Variants in PLD4 observed in about 807,000 individuals in gnomAD.
PLD4 encodes 5'-3' exonuclease PLD4.
A neutral mutation model predicts 52.3 loss-of-function variants in PLD4; 54 were observed. That is an observed-to-expected ratio of 1.03 (90% confidence interval 0.83 to 1.30). The LOEUF (loss-of-function observed/expected upper bound fraction) is 1.30. PLD4 is among the 50% of genes most tolerant of loss of function. PLD4 has a pLI of 0.00. For missense variants in PLD4, 731 were observed against 671.1 expected (o/e 1.09, Z -0.99); for synonymous variants, 264 against 286.5 (o/e 0.92, Z 0.79).
downstream of PLD4, chr14:104,934,645 C>G (rs1442772888): frequency 6.6e-6 from 1 of 152,216 alleles, no homozygotes; most frequent in African/African-American, 2.4e-5. Flanking sequence ...TGAGGCACCA[C>G]TTTCCTACCC....
At chr14:104,931,711 G>A in intron 7 of PLD4, 37 bp from the exon 8 acceptor site, 1 of 1,559,428 alleles carries the variant, frequency 6.4e-7, no homozygotes, top group Non-Finnish European at 8.7e-7. Context: ...AATGGGCTGG[G>A]CTGGCAGAGC....
At chr14:104,931,973 C>A in intron 8 of PLD4, 39 bp from the exon 9 acceptor site, 1 of 1,538,290 alleles carries the variant, frequency 6.5e-7, no homozygotes, top group Non-Finnish European at 8.7e-7. Flanking sequence ...CCTATCGGGC[C>A]CGGCTTGTAA....
chr14:104,926,549 C>G (rs1897462151), intron 1 of PLD4, among the ~76,000 whole-genome samples: 1 of 152,220 alleles, frequency 6.6e-6, no homozygotes, highest in Non-Finnish European at 1.5e-5. Flanking sequence ...CTCTCCACGC[C>G]TAGCCTCTCC....
chr14:104,927,687 A>T lies in PLD4; in HGVS notation c.105A>T (p.Gly35=). ...GCCCCATCCAGTTGCAGGTCCTGGG[A>T]GCGCTGGCTGTGCTGTGGCTGGGCT... ...DREAGTLQVL[G]ALAVLWLGSV... is the part of the protein sequence containing the mutation. The change falls in exon 3 of 11, where the codon GGA becomes GGT. Residue 35 remains glycine, a synonymous_variant. Transcript: ENST00000392593. 4 of 1,595,962 alleles carry T rather than the reference A, an allele frequency of 2.5e-6. No individual in the cohort carries two copies. Among genetic ancestry groups the T allele is most frequent in the Non-Finnish European group, 2.6e-6 (3 of 1,174,670 alleles).
At chr14:104,936,434 T>A (rs923682844), downstream of PLD4, 1 of 152,188 alleles carries the variant, frequency 6.6e-6, no homozygotes, top group Non-Finnish European at 1.5e-5. Flanking sequence ...GTGCCCTAAC[T>A]TGGATGACAC....
rs1897675676 is a variant in PLD4, at chr14:104,932,190, T to C, written c.1224+13T>C. On this transcript the variant is annotated intron_variant, in intron 9 of 10. Coordinates refer to ENST00000392593, the MANE Select transcript of PLD4 (RefSeq NM_138790.5). The surrounding 1 kb of genome is among the most constrained non-coding windows in gnomAD (Gnocchi z 6.5). ...CTCTGTGGACGTGGTGAGGGCGTGCTCCCGGCCGGGCGTGGGAAAGGCGGC... is the reference window on the plus strand; with the variant it reads ...CTCTGTGGACGTGGTGAGGGCGTGCCCCCGGCCGGGCGTGGGAAAGGCGGC... 2 of 1,611,804 alleles carry C rather than the reference T, an allele frequency of 1.2e-6. No homozygotes were observed. The highest frequency in any genetic ancestry group is 1.7e-6 in the Non-Finnish European group (2 of 1,179,428).
rs375752994 is a variant in PLD4 at position 104,932,193 on chromosome 14, C to A, written c.1224+16C>A. The A allele has an allele frequency of 5.0e-5, 80 of 1,611,680 alleles. No homozygotes were observed. Among genetic ancestry groups the A allele is most frequent in the Non-Finnish European group, 6.4e-5 (75 of 1,179,416 alleles). On this transcript the variant is annotated intron_variant, in intron 9 of 10. Transcript: ENST00000392593. The surrounding 1 kb of genome is among the most constrained non-coding windows in gnomAD (Gnocchi z 6.5). ...TGTGGACGTGGTGAGGGCGTGCTCC[C>A]GGCCGGGCGTGGGAAAGGCGGCCCT...
chr14:104,929,269 G>A, intron 4 of PLD4, 38 bp from the exon 5 acceptor site: 1 of 1,579,590 alleles, frequency 6.3e-7, no homozygotes, highest in Non-Finnish European at 8.6e-7. Context: ...GGAGAGGGCA[G>A]CCTGAGGTCA....
intron 7 of PLD4, 27 bp downstream of exon 7, chr14:104,930,969 C>T (rs757257448): frequency 7.5e-6 from 12 of 1,606,468 alleles, no homozygotes; most frequent in Admixed American, 1.7e-5. Flanking sequence ...AGGAGCCCAT[C>T]AGAGGCCCCT....
At chr14:104,931,693 A>G (rs1897648592) in intron 7 of PLD4, 55 bp from the exon 8 acceptor site, 7 of 1,539,682 alleles carry the variant, frequency 4.5e-6, no homozygotes, top group African/African-American at 4.1e-5. Context: ...GTGGGGTCAC[A>G]AGTTCAGAAT....
chr14:104,925,905 G>T (rs557243154), intron 1 of PLD4, among the ~76,000 whole-genome samples: 5 of 152,156 alleles, frequency 3.3e-5, no homozygotes, highest in Admixed American at 3.3e-4. Flanking sequence ...CTTGGTTTAT[G>T]CTCCTACCCC....
Position 104,930,117 on chromosome 14 carries a change from G to C in PLD4, c.717+12G>C, listed in dbSNP as rs748025368. On this transcript the variant is annotated intron_variant, in intron 6 of 10. Coordinates refer to ENST00000392593, the MANE Select transcript of PLD4 (RefSeq NM_138790.5). ...GGTCTCTGACGCAGGTGAGTGCCAG[G>C]GCCCTAACACAGGAGGCCTGCCTGA... The C allele has an allele frequency of 6.0e-5, 97 of 1,612,904 alleles. No homozygotes were observed. The highest frequency in any genetic ancestry group is 8.1e-5 in the Non-Finnish European group (96 of 1,179,898).
At chr14:104,929,115 C>A in intron 4 of PLD4, 183 bp downstream of exon 4, 1 of 1,186,114 alleles carries the variant, frequency 8.4e-7, no homozygotes, top group Non-Finnish European at 1.2e-6. Flanking sequence ...AGGAGCTGGG[C>A]CTCTGGGTGA....
chr14:104,932,157 G>GCCC lies in PLD4; in HGVS notation c.1206_1207insCCC (p.Ala402_Asn403insPro). On this transcript the variant is annotated inframe_insertion, in exon 9 of 11. Coordinates refer to ENST00000392593, the MANE Select transcript of PLD4 (RefSeq NM_138790.5). The surrounding 1 kb of genome is among the most constrained non-coding windows in gnomAD (Gnocchi z 6.5). ...CCTGCAGGCGCTCAGCAACCCCGCG[G>GCCC]CCAACGTCTCTGTGGACGTGGTGAG... is the stretch of plus-strand genomic sequence containing the variant. 6.2e-7 allele frequency: 1 copy of GCCC among 1,611,150 alleles called. No individual in the cohort carries two copies.
In PLD4 at chr14:104,932,501, C is replaced by T. The variant is rs76585639; in HGVS notation, c.1321+146C>T. 1 of 969,520 alleles carries T rather than the reference C, an allele frequency of 1.0e-6. No individual in the cohort carries two copies. Among genetic ancestry groups the T allele is most frequent in the Non-Finnish European group, 1.5e-6 (1 of 659,728 alleles). The allele number at this position is 969,520 out of a possible 1,614,324, so 60.1% of individuals were successfully genotyped here. ...GGGGTCTCCATGGAGTTCCGGGGAC[C>T]AGGCCACCCGCCTGTCACCTGGCCC... is the stretch of plus-strand genomic sequence containing the variant. On this transcript the variant is annotated intron_variant, in intron 10 of 10. Coordinates refer to ENST00000392593, the MANE Select transcript of PLD4 (RefSeq NM_138790.5). The surrounding 1 kb of genome is among the most constrained non-coding windows in gnomAD (Gnocchi z 6.5).
chr14:104,932,519 C>T lies in PLD4; in HGVS notation c.1321+164C>T, dbSNP rs558150435. Among the ~76,000 whole-genome samples, 27 of 152,330 alleles carry T rather than the reference C, an allele frequency of 1.8e-4. No individual in the cohort carries two copies. Among genetic ancestry groups the T allele is most frequent in the Middle Eastern group, 3.4e-3 (1 of 294 alleles). ...CGGGGACCAGGCCACCCGCCTGTCACCTGGCCCCACAGGGCCCCAGAACAC... is the reference window on the plus strand; with the variant it reads ...CGGGGACCAGGCCACCCGCCTGTCATCTGGCCCCACAGGGCCCCAGAACAC... On this transcript the variant is annotated intron_variant, in intron 10 of 10. Transcript: ENST00000392593. The surrounding 1 kb of genome is among the most constrained non-coding windows in gnomAD (Gnocchi z 6.5).
intron 5 of PLD4, 100 bp downstream of exon 5, chr14:104,929,527 G>T: frequency 1.4e-6 from 2 of 1,453,832 alleles, no homozygotes; most frequent in East Asian, 2.5e-5. Context: ...GGTGGGAAAG[G>T]TGCCCTGGAC....
intron 3 of PLD4, 42 bp from the exon 4 acceptor site, chr14:104,928,707 G>A: frequency 6.6e-7 from 1 of 1,506,258 alleles, no homozygotes. Flanking sequence ...TGGGCTGGGG[G>A]CTCCCGCACC....
downstream of PLD4, chr14:104,937,599 G>T (rs999529019): frequency 6.4e-6 from 1 of 156,658 alleles, no homozygotes. Flanking sequence ...GGAATATACC[G>T]CACTCTGCCT....
Sources: gnomAD v4.1 joint callset for allele counts (sites outside exome capture counted in the v4.1 genomes callset) on GRCh38, gnomAD v4.1.1 for gene constraint, Gnocchi (gnomAD v3.1) non-coding constraint, MANE v1.5 for transcripts, NCBI Gene and HGNC (gene_info 2026-07-23, HGNC 2026-07-21) for gene names.